Variants in ANOS1 observed in about 807,000 individuals in gnomAD.
ANOS1 encodes the protein anosmin 1.
In ANOS1, 6 loss-of-function variants were observed where a neutral mutation model predicts 59.0. The ratio of observed to expected loss-of-function variants is 0.10; its 90% CI spans 0.06 to 0.20. The LOEUF (loss-of-function observed/expected upper bound fraction) is 0.20, where lower values mean the gene tolerates loss of function less well. Among genes scored for constraint, ANOS1 ranks in the 10% least tolerant of loss-of-function variants. The pLI, the probability that ANOS1 is intolerant of heterozygous loss-of-function variation, is 1.00. For missense variants in ANOS1, 433 were observed against 542.3 expected, an observed-to-expected ratio of 0.80 and a Z score of 2.00; for synonymous variants, 217 against 223.4, an observed-to-expected ratio of 0.97 and a Z score of 0.25.
At chrX:8,569,369 G>A (rs949132358) in intron 7 of ANOS1, among the ~76,000 whole-genome samples, 28 of 112,543 alleles carry the variant, frequency 2.5e-4, no homozygotes, top group Admixed American at 3.7e-4. Context: ...GGGGCTGGGC[G>A]TGGTGGCTCA....
rs778411631 is a variant in ANOS1 at position 8,659,449 on chromosome X, TCCTC to T, written c.256-35783_256-35780del. ...CTTTTTCTTTCTTTCTTCCTTCCTT[TCCTC>T]CCTCCCTCCCTCCTTCCTTGCTTGC... is the stretch of plus-strand genomic sequence containing the variant. On this transcript the variant is annotated intron_variant, in intron 2 of 13. Transcript: ENST00000262648. 1.7e-3 allele frequency among the ~76,000 whole-genome samples: 185 copies of T among 106,667 alleles called. 1 individual carries two copies. The highest frequency in any genetic ancestry group is 2.4e-3 in the Non-Finnish European group (122 of 51,742). 92.6% of individuals were successfully genotyped at this position (106,667 alleles called of 115,157 possible).
At chrX:8,707,695 G>A (rs772636517) in intron 1 of ANOS1, among the ~76,000 whole-genome samples, 1 of 111,048 alleles carries the variant, frequency 9.0e-6, no homozygotes, top group Non-Finnish European at 1.9e-5. Context: ...ATATATAGGA[G>A]GATATTTGCA....
At chrX:8,535,428 T>C (rs1416749857) in intron 12 of ANOS1, 163 bp downstream of exon 12, 1 of 475,561 alleles carries the variant, frequency 2.1e-6, no homozygotes, top group African/African-American at 2.5e-5. Flanking sequence ...GTCACATTTG[T>C]GATGTGTTAA....
chrX:8,656,963 A>G (rs1931941935), intron 2 of ANOS1, among the ~76,000 whole-genome samples: 1 of 111,745 alleles, frequency 8.9e-6, no homozygotes, highest in Non-Finnish European at 1.9e-5. Flanking sequence ...TTTGTTATTC[A>G]TGGTGCCCCT....
At chrX:8,595,754 C>T (rs1389398815) in intron 4 of ANOS1, among the ~76,000 whole-genome samples, 1 of 111,340 alleles carries the variant, frequency 9.0e-6, no homozygotes, top group Non-Finnish European at 1.9e-5. Flanking sequence ...CTGACTGACT[C>T]TATATTAGGG....
chrX:8,542,494 C>G (rs1190508823), intron 9 of ANOS1, among the ~76,000 whole-genome samples: 1 of 108,749 alleles, frequency 9.2e-6, no homozygotes, highest in Non-Finnish European at 1.9e-5. Flanking sequence ...AGTTCATGTA[C>G]TGGTTTTCTA....
chrX:8,575,583 A>G (rs1187906309), intron 6 of ANOS1, among the ~76,000 whole-genome samples: 1 of 107,387 alleles, frequency 9.3e-6, no homozygotes, highest in Non-Finnish European at 1.9e-5. Context: ...ATAATAATCT[A>G]GAATAACATC....
chrX:8,627,843 TAAAA>T (rs764925236), intron 2 of ANOS1, among the ~76,000 whole-genome samples: 1 of 101,618 alleles, frequency 9.8e-6, no homozygotes, highest in Non-Finnish European at 2.0e-5. Flanking sequence ...GCAAGCAATT[TAAAA>T]AAAAAAAAAG....
chrX:8,528,965 CTTT>C lies in ANOS1; in HGVS notation c.*4027_*4029del, dbSNP rs1471976104. The C allele has an allele frequency of 8.9e-6, 1 of 111,975 alleles. No homozygotes were observed. Among genetic ancestry groups the C allele is most frequent in the Non-Finnish European group, 1.9e-5 (1 of 53,247 alleles). The allele number at this position is 111,975 out of a possible 1,213,427, so 9.2% of individuals were successfully genotyped here. ...CAGAATATCAAGACTATTTACAATACTTTTTTGTTTTTTACAAAACATTTTTAC... is the reference window on the plus strand; with the variant it reads ...CAGAATATCAAGACTATTTACAATACTTTGTTTTTTACAAAACATTTTTAC... On this transcript the variant is annotated 3_prime_UTR_variant, in exon 14 of 14. Coordinates refer to ENST00000262648, the MANE Select transcript of ANOS1 (RefSeq NM_000216.4).
At chrX:8,657,098 C>G (rs142937408) in intron 2 of ANOS1, among the ~76,000 whole-genome samples, 3 of 112,610 alleles carry the variant, frequency 2.7e-5, no homozygotes, top group African/African-American at 9.7e-5. Flanking sequence ...TTTAACCACA[C>G]GGGTCATGGC....
intron 6 of ANOS1, among the ~76,000 whole-genome samples, chrX:8,583,349 C>T (rs1007452331): frequency 1.8e-5 from 2 of 111,568 alleles, no homozygotes; most frequent in African/African-American, 6.5e-5. Flanking sequence ...GATGGTTGCA[C>T]AAGTCAGTAA....
intron 11 of ANOS1, 106 bp from the exon 12 acceptor site, chrX:8,535,917 T>C (rs181357954): frequency 9.5e-5 from 58 of 611,170 alleles, no homozygotes; most frequent in African/African-American, 9.0e-4. Flanking sequence ...ATGATATTAA[T>C]AGAAGCAATG....
chrX:8,584,040 C>T (rs1370616566), intron 6 of ANOS1, among the ~76,000 whole-genome samples: 1 of 111,763 alleles, frequency 8.9e-6, no homozygotes, highest in Non-Finnish European at 1.9e-5. Context: ...GCAACTCTTA[C>T]AGGAAATTAA....
chrX:8,597,367 A>G (rs1046959365), intron 3 of ANOS1, 111 bp from the exon 4 acceptor site: 2 of 648,641 alleles, frequency 3.1e-6, no homozygotes, highest in Non-Finnish European at 4.8e-6. Flanking sequence ...CTTTGTTTGA[A>G]TATTTGACAA....
chrX:8,545,284 G>GA (rs1324732169), intron 9 of ANOS1, among the ~76,000 whole-genome samples: 3 of 94,790 alleles, frequency 3.2e-5, no homozygotes, highest in Non-Finnish European at 6.2e-5. Flanking sequence ...AAGAAAGAAA[G>GA]AGAGAGAGAG....
chrX:8,596,678 C>T (rs113636400), intron 4 of ANOS1, among the ~76,000 whole-genome samples: 1,210 of 111,559 alleles, frequency 0.011, 12 homozygotes, highest in African/African-American at 0.037. Context: ...GCTTCATCTC[C>T]CAGCCTATTT....
intron 8 of ANOS1, among the ~76,000 whole-genome samples, chrX:8,560,319 A>C (rs1346086804): frequency 9.0e-6 from 1 of 111,347 alleles, no homozygotes; most frequent in Non-Finnish European, 1.9e-5. Flanking sequence ...GTGAATTTTG[A>C]CACTAATTTA....
chrX:8,652,845 A>AATTT (rs1931870962), intron 2 of ANOS1, among the ~76,000 whole-genome samples: 1 of 110,165 alleles, frequency 9.1e-6, no homozygotes, highest in African/African-American at 3.3e-5. Flanking sequence ...TATTTAATTA[A>AATTT]ATTTATTTAT....
intron 2 of ANOS1, among the ~76,000 whole-genome samples, chrX:8,676,094 C>T (rs181412367): frequency 6.3e-5 from 7 of 110,824 alleles, no homozygotes; most frequent in African/African-American, 2.0e-4. Context: ...TTTCTTTATC[C>T]GGTGTATCAT....
Sources: allele counts gnomAD v4.1 joint callset (sites outside exome capture counted in the v4.1 genomes callset), GRCh38; gene constraint gnomAD v4.1.1; transcripts MANE v1.5; gene names NCBI Gene and HGNC (gene_info 2026-07-23, HGNC 2026-07-21).